The following CCNY variants were observed in gnomAD, a reference collection of about 807,000 sequenced individuals.
CCNY encodes the protein cyclin Y, also known as cyclin-Y.
A neutral mutation model predicts 42.8 loss-of-function variants in CCNY; 19 were observed. The observed-to-expected ratio is 0.44, with a 90% confidence interval of 0.31 to 0.65. The LOEUF (loss-of-function observed/expected upper bound fraction) is 0.65, where lower values mean the gene tolerates loss of function less well. Ranked by LOEUF, CCNY falls within the 30% of genes least tolerant of loss-of-function variation. The probability of loss-of-function intolerance (pLI) is 0.07; values close to 1 mark genes in which losing one functional copy is unlikely to be tolerated. For synonymous variants in CCNY, 165 were observed against 162.7 expected (o/e 1.01, Z -0.11); for missense variants, 370 against 437.3 (o/e 0.85, Z 1.37).
At chr10:35,465,175 C>A (rs1839231160) in intron 1 of CCNY, among the ~76,000 whole-genome samples, 1 of 152,098 alleles carries the variant, frequency 6.6e-6, no homozygotes, top group Non-Finnish European at 1.5e-5. Flanking sequence ...CATTATTCAG[C>A]TTATTTGTTA....
intron 3 of CCNY, among the ~76,000 whole-genome samples, chr10:35,275,695 G>A (rs189967012): frequency 5.3e-5 from 8 of 151,928 alleles, no homozygotes; most frequent in South Asian, 2.1e-4. Flanking sequence ...CCCGGGAGGC[G>A]GAGCTTGCAG....
chr10:35,452,977 A>T (rs934864618), intron 1 of CCNY, among the ~76,000 whole-genome samples: 43 of 152,272 alleles, frequency 2.8e-4, no homozygotes, highest in African/African-American at 5.8e-4. Flanking sequence ...TTTTAAAAAA[A>T]ATATTATTTA....
chr10:35,500,205 G>A (rs1027489830), intron 2 of CCNY, among the ~76,000 whole-genome samples: 5 of 152,220 alleles, frequency 3.3e-5, no homozygotes, highest in African/African-American at 7.2e-5. Context: ...GCGTCCATCC[G>A]ATGGCTTGAT....
intron 1 of CCNY, among the ~76,000 whole-genome samples, chr10:35,370,755 G>A (rs1217811927): frequency 6.6e-6 from 1 of 151,026 alleles, no homozygotes; most frequent in Admixed American, 6.6e-5. Flanking sequence ...TCGCACTTTC[G>A]CCCAGGCTGG....
chr10:35,257,064 T>C (rs1271649902), intron 3 of CCNY, among the ~76,000 whole-genome samples: 1 of 152,156 alleles, frequency 6.6e-6, no homozygotes, highest in East Asian at 1.9e-4. Context: ...GGCCCATGTA[T>C]TTACCTTTAT....
chr10:35,392,468 G>A (rs1380523064), intron 1 of CCNY, among the ~76,000 whole-genome samples: 1 of 152,192 alleles, frequency 6.6e-6, no homozygotes, highest in African/African-American at 2.4e-5. Flanking sequence ...ATGTCCCGTG[G>A]ACTCATTGAG....
At chr10:35,363,074 C>CGCCGGCG (rs1836727562) in intron 1 of CCNY, among the ~76,000 whole-genome samples, 7 of 134,950 alleles carry the variant, frequency 5.2e-5, no homozygotes, top group Non-Finnish European at 8.0e-5. Context: ...GATGGTGGGC[C>CGCCGGCG]GCCGGGCAGA....
intron 1 of CCNY, among the ~76,000 whole-genome samples, chr10:35,355,678 C>CAAAAAAAAAAA (rs60257114): frequency 1.0e-4 from 6 of 57,416 alleles, no homozygotes; most frequent in African/African-American, 4.1e-4. Context: ...ATACTGTCTC[C>CAAAAAAAAAAA]AAAAAAAAAA....
chr10:35,350,842 A>T (rs1056189359), intron 1 of CCNY, among the ~76,000 whole-genome samples: 1 of 152,212 alleles, frequency 6.6e-6, no homozygotes, highest in Non-Finnish European at 1.5e-5. Context: ...TCGAGTCTTG[A>T]TTTTCAGCTT....
At position 35,281,965 on chromosome 10, in the gene CCNY, T is replaced by A. The variant is rs577764482; in HGVS notation, c.-9+31339T>A. On this transcript the variant is annotated intron_variant, in intron 3 of 11. Coordinates refer to the CCNY transcript ENST00000374706. ...TCTCATGGTTAATTTTTAGTTCTCA[T>A]CTTCCTAGAACTCTTGGCAGCAGCT... 6.6e-5 allele frequency among the ~76,000 whole-genome samples: 10 copies of A among 152,270 alleles called. No homozygotes were observed. In the South Asian group the frequency reaches 1.4e-3, roughly 22 times the overall value.
chr10:35,461,586 G>T (rs1178968269), intron 1 of CCNY, among the ~76,000 whole-genome samples: 1 of 152,082 alleles, frequency 6.6e-6, no homozygotes, highest in Non-Finnish European at 1.5e-5. Flanking sequence ...CCCAGGAGAA[G>T]GTTCAGAAAC....
intron 1 of CCNY, among the ~76,000 whole-genome samples, chr10:35,433,801 G>C (rs1838466815): frequency 6.6e-6 from 1 of 152,158 alleles, no homozygotes; most frequent in African/African-American, 2.4e-5. Context: ...TAGAGATAGA[G>C]TTTCACCATG....
At chr10:35,546,083 T>A (rs1841109413) in intron 7 of CCNY, among the ~76,000 whole-genome samples, 1 of 152,210 alleles carries the variant, frequency 6.6e-6, no homozygotes, top group Admixed American at 6.5e-5. Context: ...AGCTACCAAC[T>A]CACTTCACAG....
intron 3 of CCNY, among the ~76,000 whole-genome samples, chr10:35,308,742 G>A (rs1361725022): frequency 2.0e-5 from 3 of 152,146 alleles, no homozygotes; most frequent in Non-Finnish European, 4.4e-5. Context: ...CTTGAGAGAA[G>A]GCAGCCAGAC....
intron 1 of CCNY, among the ~76,000 whole-genome samples, chr10:35,375,815 G>A (rs1050073950): frequency 1.3e-5 from 2 of 152,170 alleles, no homozygotes; most frequent in East Asian, 1.9e-4. Context: ...GAAAGGAGGC[G>A]AAGGCGTGAT....
chr10:35,297,461 C>G (rs1362504400), intron 3 of CCNY, among the ~76,000 whole-genome samples: 1 of 152,152 alleles, frequency 6.6e-6, no homozygotes, highest in East Asian at 1.9e-4. Context: ...AGGAACCACT[C>G]CTATTCAATA....
chr10:35,472,356 T>TG (rs1390214600), intron 1 of CCNY, among the ~76,000 whole-genome samples: 2 of 152,248 alleles, frequency 1.3e-5, no homozygotes, highest in African/African-American at 2.4e-5. Flanking sequence ...AGCATCTCTT[T>TG]GGGGAATGAA....
Position 35,530,240 on chromosome 10 carries a change from C to G in CCNY, c.576C>G (p.Thr192=). 3 of 1,614,134 alleles carry G rather than the reference C, an allele frequency of 1.9e-6. No homozygotes were observed. The highest frequency in any genetic ancestry group is 2.5e-6 in the Non-Finnish European group (3 of 1,180,016). ...TGACGGCTGAATGTGCCATCGTCACCCTGGTGAGTGCCCTCAGGATGGCCA... is the reference window on the plus strand; with the variant it reads ...TGACGGCTGAATGTGCCATCGTCACGCTGGTGAGTGCCCTCAGGATGGCCA... ...AQLTAECAIV[T]LVYLERLLTY... is the part of the protein sequence containing the mutation. The change falls in exon 7 of 10, where the codon ACC becomes ACG. Residue 192 remains threonine, a synonymous_variant. Coordinates refer to ENST00000374704, the MANE Select transcript of CCNY (RefSeq NM_145012.6). The surrounding 1 kb of genome is among the most constrained non-coding windows in gnomAD (Gnocchi z 4.3).
Position 35,364,019 on chromosome 10 carries a change from T to C in CCNY, c.154+26812T>C, listed in dbSNP as rs1302792986. Among the ~76,000 whole-genome samples the C allele has an allele frequency of 2.0e-5, 3 of 152,244 alleles. No homozygotes were observed. In the East Asian group the frequency reaches 5.8e-4, roughly 29 times the overall value. On this transcript the variant is annotated intron_variant, in intron 1 of 9. Coordinates refer to ENST00000374704, the MANE Select transcript of CCNY (RefSeq NM_145012.6). Reference sequence around the variant, plus strand: ...AAGGGATATTTGTGTTTACAAACTTTATTTTAATATGTTACTGTTGAGAAT... The same window carrying C: ...AAGGGATATTTGTGTTTACAAACTTCATTTTAATATGTTACTGTTGAGAAT...
Sources: gnomAD v4.1 joint callset for allele counts (sites outside exome capture counted in the v4.1 genomes callset) on GRCh38, gnomAD v4.1.1 for gene constraint, Gnocchi (gnomAD v3.1) non-coding constraint, MANE v1.5 for transcripts, NCBI Gene and HGNC (gene_info 2026-07-23, HGNC 2026-07-21) for gene names.